PARP6: variants seen among roughly 807,000 people sequenced by gnomAD.
The protein encoded by PARP6 is protein mono-ADP-ribosyltransferase PARP6.
In PARP6, 27 loss-of-function variants were observed where a neutral mutation model predicts 92.0. The ratio of observed to expected loss-of-function variants is 0.29; its 90% confidence interval spans 0.22 to 0.40. The LOEUF (loss-of-function observed/expected upper bound fraction) is 0.40. Ranked by LOEUF, PARP6 falls within the 10% of genes least tolerant of loss-of-function variation. The pLI is 1.00. For synonymous variants in PARP6, 272 were observed against 281.2 expected (o/e 0.97, Z 0.33); for missense variants, 501 against 784.5 (o/e 0.64, Z 4.32).
chr15:72,251,091 A>G (rs1467355541), intron 17 of PARP6, 116 bp downstream of exon 17: 6 of 994,400 alleles, frequency 6.0e-6, no homozygotes, highest in Non-Finnish European at 8.1e-6. Context: ...CCAAAGACTA[A>G]GTTGATGGAC....
Position 72,267,583 on chromosome 15 carries a change from G to A in PARP6, c.-106C>T, listed in dbSNP as rs1005863125. 2 of 1,237,378 alleles carry A rather than the reference G, an allele frequency of 1.6e-6. No homozygotes were observed. The highest frequency in any genetic ancestry group is 3.4e-5 in the Admixed American group (2 of 58,684). 76.6% of individuals were successfully genotyped at this position (1,237,378 alleles called of 1,614,324 possible). ...GATGGGCATTTAGGAGACCACAAAG[G>A]GAGACAAGGTAGGGCACGATGTCAG... On this transcript the variant is annotated 5_prime_UTR_variant, in exon 3 of 24. Transcript: ENST00000569795.
At chr15:72,246,743 T>C (rs964944115) in intron 20 of PARP6, among the ~76,000 whole-genome samples, 2 of 144,786 alleles carry the variant, frequency 1.4e-5, no homozygotes, top group African/African-American at 5.0e-5. Flanking sequence ...CCTCTTCTTA[T>C]TGAACATATT....
chr15:72,263,212 T>C (rs2086125629), intron 8 of PARP6, among the ~76,000 whole-genome samples: 1 of 152,232 alleles, frequency 6.6e-6, no homozygotes, highest in African/African-American at 2.4e-5. Flanking sequence ...CCTAAATGTA[T>C]TTTCCACTAC....
intron 20 of PARP6, among the ~76,000 whole-genome samples, chr15:72,247,024 C>T (rs767380639): frequency 6.6e-6 from 1 of 152,180 alleles, no homozygotes; most frequent in Non-Finnish European, 1.5e-5. Context: ...TCCCAAAGTG[C>T]TGGGATTACA....
intron 16 of PARP6, among the ~76,000 whole-genome samples, chr15:72,252,441 C>A (rs1449165371): frequency 6.6e-6 from 1 of 152,128 alleles, no homozygotes; most frequent in Admixed American, 6.5e-5. Context: ...CTGAACCATT[C>A]TGCAATGTAC....
At chr15:72,246,585 G>A (rs538489618) in intron 20 of PARP6, among the ~76,000 whole-genome samples, 1 of 152,166 alleles carries the variant, frequency 6.6e-6, no homozygotes, top group African/African-American at 2.4e-5. Context: ...TGCAATTTGA[G>A]TTATTATTCT....
intron 18 of PARP6, among the ~76,000 whole-genome samples, 192 bp downstream of exon 18, chr15:72,250,653 A>C (rs2084219890): frequency 6.6e-6 from 1 of 152,222 alleles, no homozygotes; most frequent in African/African-American, 2.4e-5. Context: ...ACTACATCAT[A>C]AATAGTTTGA....
chr15:72,251,189 G>A lies in PARP6; in HGVS notation c.1308+18C>T, dbSNP rs1340910099. Reference sequence around the variant, plus strand: ...TCACCAGAAATTTAAAGCATTTAGAGGGAGAATGGTCACTTACCCTGCTGA... The same window carrying A: ...TCACCAGAAATTTAAAGCATTTAGAAGGAGAATGGTCACTTACCCTGCTGA... On this transcript the variant is annotated intron_variant, in intron 17 of 23. Transcript: ENST00000569795. 1 of 1,540,832 alleles carries A rather than the reference G, an allele frequency of 6.5e-7. No individual in the cohort carries two copies.
intron 20 of PARP6, among the ~76,000 whole-genome samples, chr15:72,247,118 G>A (rs1016346004): frequency 2.0e-5 from 3 of 151,952 alleles, no homozygotes; most frequent in Non-Finnish European, 4.4e-5. Flanking sequence ...GTCTTCTGTC[G>A]GTTTGTAGCC....
chr15:72,241,592 G>A lies in PARP6; in HGVS notation c.1791-35C>T. The A allele has an allele frequency of 6.9e-7, 1 of 1,451,178 alleles. No homozygotes were observed. The highest frequency in any genetic ancestry group is 9.7e-7 in the Non-Finnish European group (1 of 1,031,312). 89.9% of individuals were successfully genotyped at this position (1,451,178 alleles called of 1,614,324 possible). On this transcript the variant is annotated intron_variant, in intron 23 of 23. Coordinates refer to ENST00000569795, the MANE Select transcript of PARP6 (RefSeq NM_001323532.2). The surrounding 1 kb of genome is among the most constrained non-coding windows in gnomAD (Gnocchi z 4.1). ...ATAGGGCAAGTGTGAGCATAAGAGG[G>A]AGAACAATACCAGAATAACATCAAT...
intron 12 of PARP6, among the ~76,000 whole-genome samples, chr15:72,257,697 C>T (rs1322679832): frequency 6.6e-6 from 1 of 152,178 alleles, no homozygotes; most frequent in Non-Finnish European, 1.5e-5. Context: ...TTTAACAATG[C>T]TAATATCTCT....
At chr15:72,257,241 T>C (rs535499392) in intron 13 of PARP6, 107 bp downstream of exon 13, 8 of 791,058 alleles carry the variant, frequency 1.0e-5, no homozygotes, top group South Asian at 8.8e-5. Context: ...ACAGTGGTTA[T>C]CTTATATACA....
intron 9 of PARP6, among the ~76,000 whole-genome samples, chr15:72,261,175 A>C (rs1026253408): frequency 6.6e-6 from 1 of 152,202 alleles, no homozygotes; most frequent in African/African-American, 2.4e-5. Context: ...CAGGGGGAAA[A>C]TGTAGACCTG....
At chr15:72,249,029 A>G (rs1007932523) in intron 20 of PARP6, 3 of 393,304 alleles carry the variant, frequency 7.6e-6, no homozygotes, top group African/African-American at 6.1e-5. Context: ...GCTATGAATA[A>G]AACCATCATT....
At chr15:72,269,284 C>T (rs1445450026) in intron 2 of PARP6, among the ~76,000 whole-genome samples, 1 of 152,148 alleles carries the variant, frequency 6.6e-6, no homozygotes, top group Non-Finnish European at 1.5e-5. Flanking sequence ...TCTCAGCCTC[C>T]CACGTAGCTG....
chr15:72,246,160 GTTT>G (rs1160272808), intron 20 of PARP6, among the ~76,000 whole-genome samples: 1 of 152,072 alleles, frequency 6.6e-6, no homozygotes, highest in Non-Finnish European at 1.5e-5. Flanking sequence ...GTTTTGTTTT[GTTT>G]TTTTGAGACG....
At position 72,259,657 on chromosome 15, in the gene PARP6, C is replaced by T. The variant is rs771944914; in HGVS notation, c.761G>A (p.Ser254Asn). 1.9e-6 allele frequency: 3 copies of T among 1,613,878 alleles called. No homozygotes were observed. Among genetic ancestry groups the T allele is most frequent in the African/African-American group, 1.3e-5 (1 of 74,906 alleles). The change falls in exon 11 of 24, where the codon AGT becomes AAT. Residue 254 changes from serine to asparagine, a missense_variant. This residue lies in a region of PARP6 where 291 missense variants were observed against 352.0 expected (regional missense o/e 0.83). Coordinates refer to ENST00000569795, the MANE Select transcript of PARP6 (RefSeq NM_001323532.2). ...PPPARTSPLV[S>N]GHCKNIPTLE... ...AGTGGGAATGTTCTTGCAGTGACCA[C>T]TGACCTGGTGAGAGTAAAAAGACAG...
At chr15:72,269,010 G>A (rs2086990341) in intron 2 of PARP6, among the ~76,000 whole-genome samples, 1 of 152,246 alleles carries the variant, frequency 6.6e-6, no homozygotes, top group South Asian at 2.1e-4. Flanking sequence ...AGGCTTTAAT[G>A]GCTGAAGATG....
intron 2 of PARP6, 82 bp from the exon 3 acceptor site, chr15:72,267,753 TAC>T (rs986868350): frequency 5.8e-5 from 23 of 393,368 alleles, no homozygotes; most frequent in African/African-American, 4.1e-4. Flanking sequence ...TATTTATCAA[TAC>T]ACTTTTTTTT....
Sources: gnomAD v4.1 joint callset for allele counts (sites outside exome capture counted in the v4.1 genomes callset) on GRCh38, gnomAD v4.1.1 for gene constraint, gnomAD v4.1.1 regional missense constraint, Gnocchi (gnomAD v3.1) non-coding constraint, MANE v1.5 for transcripts, NCBI Gene and HGNC (gene_info 2026-07-23, HGNC 2026-07-21) for gene names.